The following GID4 variants were observed in gnomAD, a reference collection of about 807,000 sequenced individuals.
GID4 encodes the protein GID complex subunit 4 homolog.
A neutral mutation model predicts 32.4 loss-of-function variants in GID4; 7 were observed. That is an observed-to-expected ratio of 0.22 (90% CI 0.12 to 0.41). The LOEUF (loss-of-function observed/expected upper bound fraction) is 0.41. Among genes scored for constraint, GID4 ranks in the 10% least tolerant of loss-of-function variants. The probability of loss-of-function intolerance (pLI) is 1.00; values close to 1 mark genes in which losing one functional copy is unlikely to be tolerated. For missense variants in GID4, 309 were observed against 400.0 expected (o/e 0.77, Z 1.94); for synonymous variants, 166 against 170.0 (o/e 0.98, Z 0.18).
chr17:18,043,767 A>C (rs1230411717), intron 1 of GID4, among the ~76,000 whole-genome samples: 1 of 152,224 alleles, frequency 6.6e-6, no homozygotes, highest in Non-Finnish European at 1.5e-5. Flanking sequence ...CACAAATCTG[A>C]TAAATGCCAC....
At chr17:18,052,052 C>T (rs966490690) in intron 2 of GID4, among the ~76,000 whole-genome samples, 1 of 146,806 alleles carries the variant, frequency 6.8e-6, no homozygotes, top group Non-Finnish European at 1.5e-5. Context: ...CCGGTCTGGG[C>T]GACAGAGCAA....
Position 18,039,950 on chromosome 17 carries a change from A to G in GID4, c.438+48A>G, listed in dbSNP as rs2044773288. On this transcript the variant is annotated intron_variant, in intron 1 of 5. Coordinates refer to ENST00000268719, the MANE Select transcript of GID4 (RefSeq NM_024052.5). The surrounding 1 kb of genome is among the most constrained non-coding windows in gnomAD (Gnocchi z 5.3). ...GCCCGAGGGCCTCCTCGCGGCGCTC[A>G]CGGGCCGTGCCCGCTTCGGCTCCTC... The G allele has an allele frequency of 7.6e-7, 1 of 1,307,274 alleles. No individual in the cohort carries two copies. The highest frequency in any genetic ancestry group is 9.8e-7 in the Non-Finnish European group (1 of 1,024,424). 81.0% of individuals were successfully genotyped at this position (1,307,274 alleles called of 1,614,324 possible). A position where few individuals can be genotyped will look rare whatever the true frequency, so the allele number is the denominator to read the frequency against.
At chr17:18,056,268 G>T (rs1039030395) in intron 3 of GID4, among the ~76,000 whole-genome samples, 3 of 152,236 alleles carry the variant, frequency 2.0e-5, no homozygotes, top group African/African-American at 7.2e-5. Context: ...TATACATTTT[G>T]ATTGTTGTAG....
chr17:18,040,035 A>C (rs966063010), intron 1 of GID4, 133 bp downstream of exon 1: 1 of 1,160,420 alleles, frequency 8.6e-7, no homozygotes, highest in Non-Finnish European at 1.1e-6. Flanking sequence ...GGCGCTTCCC[A>C]CCCGGGACCT....
At chr17:18,044,629 G>T (rs2044835296) in intron 1 of GID4, among the ~76,000 whole-genome samples, 1 of 152,168 alleles carries the variant, frequency 6.6e-6, no homozygotes, top group Non-Finnish European at 1.5e-5. Flanking sequence ...TGAACAGTCT[G>T]CCCATTTCAT....
At chr17:18,047,621 G>A (rs927952405) in intron 2 of GID4, among the ~76,000 whole-genome samples, 1 of 152,204 alleles carries the variant, frequency 6.6e-6, no homozygotes, top group Non-Finnish European at 1.5e-5. Flanking sequence ...GGGAGCCCTA[G>A]GCTCTTAACA....
intron 4 of GID4, 70 bp downstream of exon 4, chr17:18,059,039 T>C (rs1001522645): frequency 1.3e-5 from 11 of 848,062 alleles, no homozygotes; most frequent in Non-Finnish European, 2.0e-5. Context: ...ACATATTCAC[T>C]CTAACCAAGG....
chr17:18,043,869 A>G (rs1448510382), intron 1 of GID4, among the ~76,000 whole-genome samples: 1 of 152,236 alleles, frequency 6.6e-6, no homozygotes, highest in Non-Finnish European at 1.5e-5. Context: ...GCTTTAATTC[A>G]AGGATTTACC....
In GID4 at chr17:18,064,661, G is replaced by A. The variant is rs112224111; in HGVS notation, c.840-519G>A. Among the ~76,000 whole-genome samples, 1,475 of 152,242 alleles carry A rather than the reference G, an allele frequency of 9.7e-3. 21 individuals are homozygous for A. Among genetic ancestry groups the A allele is most frequent in the African/African-American group, 0.034 (1,420 of 41,550 alleles). On this transcript the variant is annotated intron_variant, in intron 5 of 5. Coordinates refer to ENST00000268719, the MANE Select transcript of GID4 (RefSeq NM_024052.5). ...CTCAGATATCACTAATGTTTTCCAAGCCTAATACCGTACCTAGGAAAGTGA... is the reference window on the plus strand; with the variant it reads ...CTCAGATATCACTAATGTTTTCCAAACCTAATACCGTACCTAGGAAAGTGA...
intron 5 of GID4, 82 bp downstream of exon 5, chr17:18,062,057 A>G (rs1297923217): frequency 7.6e-7 from 1 of 1,317,584 alleles, no homozygotes; most frequent in Non-Finnish European, 1.1e-6. Context: ...CCCAAAAGCA[A>G]CATCTTAGCC....
intron 2 of GID4, among the ~76,000 whole-genome samples, chr17:18,053,410 C>T (rs181453122): frequency 3.0e-4 from 46 of 151,686 alleles, no homozygotes; most frequent in Middle Eastern, 3.4e-3. Flanking sequence ...GTCAGGAGTT[C>T]GAGACCAGCC....
At chr17:18,057,839 ATT>A (rs553188963) in intron 3 of GID4, among the ~76,000 whole-genome samples, 1 of 147,396 alleles carries the variant, frequency 6.8e-6, no homozygotes, top group Non-Finnish European at 1.5e-5. Context: ...TGATGTATAG[ATT>A]TTTTTTTTTT....
intron 1 of GID4, among the ~76,000 whole-genome samples, chr17:18,042,824 A>G (rs1268829139): frequency 6.6e-6 from 1 of 152,178 alleles, no homozygotes; most frequent in African/African-American, 2.4e-5. Flanking sequence ...TTTTTGTTGT[A>G]GCCATCCTAG....
intron 3 of GID4, among the ~76,000 whole-genome samples, chr17:18,054,822 CAGTT>C (rs2044949300): frequency 2.6e-5 from 4 of 152,136 alleles, no homozygotes; most frequent in Admixed American, 2.0e-4. Context: ...TGCTTCAAGA[CAGTT>C]AGTGTCCTGG....
rs71155311 is a variant in GID4 at position 18,046,922 on chromosome 17, C to CAA, written c.498+1738_498+1739dup. Among the ~76,000 whole-genome samples the CAA allele has an allele frequency of 1.4e-3, 164 of 115,634 alleles. 2 individuals are homozygous for CAA. The South Asian group carries it at 0.018, about 13-fold the overall frequency. The allele number at this position is 115,634 out of a possible 152,430, so 75.9% of individuals were successfully genotyped here. ...GAGCAACAAGAGCGAAACTTTGTCT[C>CAA]AAAAAAAAAAAAAAAAAAAAAAATC... On this transcript the variant is annotated intron_variant, in intron 2 of 5. Coordinates refer to ENST00000268719, the MANE Select transcript of GID4 (RefSeq NM_024052.5).
intron 3 of GID4, among the ~76,000 whole-genome samples, chr17:18,055,332 G>A (rs929737457): frequency 1.3e-5 from 2 of 152,018 alleles, no homozygotes; most frequent in African/African-American, 4.8e-5. Flanking sequence ...TCTAGAACTC[G>A]TTCTTCCCAT....
chr17:18,067,029 T>C lies in GID4; in HGVS notation c.*1786T>C, dbSNP rs2045070152. ...AGAACAGTCTCCTCAATCCTGAAAT[T>C]CAACAAGGCATCAGAAGGGCTGGCT... On this transcript the variant is annotated 3_prime_UTR_variant, in exon 6 of 6. Coordinates refer to ENST00000268719, the MANE Select transcript of GID4 (RefSeq NM_024052.5). 6.6e-6 allele frequency: 1 copy of C among 152,144 alleles called. No individual in the cohort carries two copies. The highest frequency in any genetic ancestry group is 1.5e-5 in the Non-Finnish European group (1 of 68,038). 9.4% of individuals were successfully genotyped at this position (152,144 alleles called of 1,614,324 possible).
Position 18,061,716 on chromosome 17 carries a change from G to A in GID4, c.709-129G>A, listed in dbSNP as rs929485905. 4.9e-5 allele frequency: 43 copies of A among 874,022 alleles called. No homozygotes were observed. The African/African-American group carries it at 6.5e-4, about 13-fold the overall frequency. 54.1% of individuals were successfully genotyped at this position (874,022 alleles called of 1,614,324 possible). ...CCACGGGCCCGCCATCACCCAGCAA[G>A]TCTAGGTTAGACTATGAGATCCTAT... On this transcript the variant is annotated intron_variant, in intron 4 of 5. Transcript: ENST00000268719. This position sits in a 1 kb window ranked among gnomAD's most constrained non-coding sequence, Gnocchi z 4.4.
At chr17:18,052,365 G>C (rs568691969) in intron 2 of GID4, among the ~76,000 whole-genome samples, 149 of 152,258 alleles carry the variant, frequency 9.8e-4, no homozygotes, top group African/African-American at 3.5e-3. Flanking sequence ...CTGCACCAGT[G>C]GCTTTTACTG....
Sources: allele counts gnomAD v4.1 joint callset (sites outside exome capture counted in the v4.1 genomes callset), GRCh38; gene constraint gnomAD v4.1.1; non-coding constraint Gnocchi (gnomAD v3.1); transcripts MANE v1.5; gene names NCBI Gene and HGNC (gene_info 2026-07-23, HGNC 2026-07-21).